Variants in LDB2 observed in about 807,000 individuals in gnomAD.
The protein encoded by LDB2 is LIM domain binding 2.
In LDB2, 12 loss-of-function variants were observed where a neutral mutation model predicts 44.3. The observed-to-expected ratio is 0.27, with a 90% confidence interval of 0.17 to 0.44. The LOEUF (loss-of-function observed/expected upper bound fraction) is 0.44. Ranked by LOEUF, LDB2 falls within the 20% of genes least tolerant of loss-of-function variation. The pLI is 1.00. For missense variants in LDB2, 344 were observed against 473.5 expected (o/e 0.73, Z 2.54); for synonymous variants, 164 against 174.8 (o/e 0.94, Z 0.49).
chr4:16,649,942 C>T (rs1002401088), intron 2 of LDB2, among the ~76,000 whole-genome samples: 1 of 152,184 alleles, frequency 6.6e-6, no homozygotes, highest in Admixed American at 6.5e-5. Flanking sequence ...TATTTTCCTC[C>T]TACCTGTCAA....
chr4:16,533,122 A>T lies in LDB2; in HGVS notation c.616-21018T>A, dbSNP rs755103313. Among the ~76,000 whole-genome samples the T allele has an allele frequency of 5.3e-5, 8 of 152,144 alleles. No individual in the cohort carries two copies. Among genetic ancestry groups the T allele is most frequent in the Non-Finnish European group, 1.0e-4 (7 of 68,028 alleles). On this transcript the variant is annotated intron_variant, in intron 5 of 7. Transcript: ENST00000304523. The surrounding 1 kb of genome is among the most constrained non-coding windows in gnomAD (Gnocchi z 4.1). ...AGATCCCAGGAAACCTCTCAGTCCC[A>T]TTCAGTGGGTTGGCTTGTTACCCTA...
chr4:16,523,955 G>C (rs1224580221), intron 5 of LDB2, among the ~76,000 whole-genome samples: 1 of 152,186 alleles, frequency 6.6e-6, no homozygotes, highest in Non-Finnish European at 1.5e-5. Flanking sequence ...TTAACTATTA[G>C]TGTGCTCCCC....
intron 2 of LDB2, among the ~76,000 whole-genome samples, chr4:16,671,407 T>C (rs1453893249): frequency 2.6e-5 from 4 of 152,164 alleles, no homozygotes; most frequent in African/African-American, 9.7e-5. Context: ...AAAACTTTCA[T>C]GCAGCCTCTA....
chr4:16,865,437 G>A (rs1714362081), intron 1 of LDB2, among the ~76,000 whole-genome samples: 1 of 152,100 alleles, frequency 6.6e-6, no homozygotes, highest in Non-Finnish European at 1.5e-5. Flanking sequence ...GATGCACAGG[G>A]GCTCGGGCTG....
intron 1 of LDB2, among the ~76,000 whole-genome samples, chr4:16,807,910 G>A (rs1349260092): frequency 5.3e-5 from 8 of 152,220 alleles, no homozygotes; most frequent in East Asian, 1.9e-4. Flanking sequence ...TCTTACCAAC[G>A]GGGAATTTTC....
intron 1 of LDB2, among the ~76,000 whole-genome samples, chr4:16,866,892 C>T (rs911586269): frequency 6.6e-6 from 1 of 152,180 alleles, no homozygotes; most frequent in East Asian, 1.9e-4. Context: ...ATATCCCACA[C>T]GCTTTTCTTA....
chr4:16,865,223 C>T (rs1455920694), intron 1 of LDB2, among the ~76,000 whole-genome samples: 1 of 152,028 alleles, frequency 6.6e-6, no homozygotes, highest in Non-Finnish European at 1.5e-5. Flanking sequence ...CTGCACTCTA[C>T]CCTGGGTGAC....
intron 1 of LDB2, among the ~76,000 whole-genome samples, chr4:16,783,462 G>A (rs1007124259): frequency 2.6e-4 from 39 of 152,246 alleles, no homozygotes; most frequent in African/African-American, 8.4e-4. Context: ...GGCCACCCAC[G>A]GAGGTTGTCC....
At chr4:16,685,605 C>G (rs906994877) in intron 2 of LDB2, among the ~76,000 whole-genome samples, 2 of 152,070 alleles carry the variant, frequency 1.3e-5, no homozygotes, top group Non-Finnish European at 2.9e-5. Context: ...GGGAAGGAAG[C>G]AGATTCGATG....
chr4:16,735,073 A>G (rs763533685), intron 2 of LDB2, among the ~76,000 whole-genome samples: 1 of 152,124 alleles, frequency 6.6e-6, no homozygotes, highest in Non-Finnish European at 1.5e-5. Context: ...AAAAGAAAGA[A>G]AACAGTCATC....
At chr4:16,816,407 CTTT>C (rs1171864969) in intron 1 of LDB2, among the ~76,000 whole-genome samples, 3 of 121,012 alleles carry the variant, frequency 2.5e-5, no homozygotes, top group African/African-American at 6.5e-5. Context: ...CTTTTTCTTT[CTTT>C]TTTTTTTTTT....
chr4:16,583,995 C>G (rs3935821), intron 5 of LDB2, among the ~76,000 whole-genome samples: 1 of 151,942 alleles, frequency 6.6e-6, no homozygotes, highest in African/African-American at 2.4e-5. Context: ...AAGAATGGAA[C>G]GAAGGCAGGG....
intron 5 of LDB2, among the ~76,000 whole-genome samples, chr4:16,584,601 C>T (rs11722982): frequency 0.11 from 16,272 of 152,240 alleles, 954 homozygotes; most frequent in African/African-American, 0.13. Context: ...GCAGCAAGCA[C>T]GGTGTTCGTG....
Position 16,731,784 on chromosome 4 carries a change from T to C in LDB2, c.235+27374A>G, listed in dbSNP as rs1579145679. ...AGCCTGCTTTAGTCTCCACATCCCTTGGTCTGGCCAAGGCTGTCTTCAGCT... is the reference window on the plus strand; with the variant it reads ...AGCCTGCTTTAGTCTCCACATCCCTCGGTCTGGCCAAGGCTGTCTTCAGCT... On this transcript the variant is annotated intron_variant, in intron 2 of 7. Transcript: ENST00000304523. Among the ~76,000 whole-genome samples the C allele has an allele frequency of 3.3e-5, 5 of 152,300 alleles. 1 individual carries two copies. The highest frequency in any genetic ancestry group is 3.3e-4 in the Admixed American group (5 of 15,294).
At chr4:16,816,338 AAC>A (rs1296605046) in intron 1 of LDB2, among the ~76,000 whole-genome samples, 1 of 152,064 alleles carries the variant, frequency 6.6e-6, no homozygotes, top group Admixed American at 6.5e-5. Context: ...CAAGTTCAAA[AAC>A]GCCTTTGTCA....
chr4:16,524,573 G>A (rs921383710), intron 5 of LDB2, among the ~76,000 whole-genome samples: 3 of 152,194 alleles, frequency 2.0e-5, no homozygotes, highest in African/African-American at 7.2e-5. Context: ...TGGACAGGCA[G>A]GCAGGGATCC....
At chr4:16,562,570 G>A (rs1315050083) in intron 5 of LDB2, among the ~76,000 whole-genome samples, 2 of 152,168 alleles carry the variant, frequency 1.3e-5, no homozygotes, top group African/African-American at 4.8e-5. Flanking sequence ...GAAACAACAG[G>A]TACTGGAGAG....
intron 2 of LDB2, among the ~76,000 whole-genome samples, chr4:16,725,876 T>C (rs1216770522): frequency 8.8e-6 from 1 of 114,210 alleles, no homozygotes; most frequent in Non-Finnish European, 1.8e-5. Context: ...CATGTATATA[T>C]ATATTTATGT....
intron 1 of LDB2, among the ~76,000 whole-genome samples, chr4:16,876,906 CT>C (rs796579484): frequency 0.032 from 4,149 of 130,318 alleles, 139 homozygotes; most frequent in African/African-American, 0.094. Context: ...TTGTATAGTG[CT>C]TTTTTTTTTT....
Sources: allele counts gnomAD v4.1 joint callset (sites outside exome capture counted in the v4.1 genomes callset), GRCh38; gene constraint gnomAD v4.1.1; non-coding constraint Gnocchi (gnomAD v3.1); transcripts MANE v1.5; gene names NCBI Gene and HGNC (gene_info 2026-07-23, HGNC 2026-07-21).